ROBO2: variants seen among roughly 807,000 people sequenced by gnomAD.
The protein encoded by ROBO2 is roundabout guidance receptor 2, also known as roundabout homolog 2.
In ROBO2, 53 loss-of-function variants were observed where a neutral mutation model predicts 160.8. That is an observed-to-expected ratio of 0.33 (90% CI 0.26 to 0.41). The LOEUF (loss-of-function observed/expected upper bound fraction) is 0.41, where lower values mean the gene tolerates loss of function less well. Among genes scored for constraint, ROBO2 ranks in the 10% least tolerant of loss-of-function variants. ROBO2 has a pLI of 1.00. For missense variants in ROBO2, 1,577 were observed against 1,722.4 expected, an observed-to-expected ratio of 0.92 and a Z score of 1.49; for synonymous variants, 664 against 611.7, an observed-to-expected ratio of 1.09 and a Z score of -1.26.
chr3:76,216,448 T>A (rs938227616), intron 2 of ROBO2, among the ~76,000 whole-genome samples: 1 of 151,868 alleles, frequency 6.6e-6, no homozygotes. Context: ...AGGCTCAAAA[T>A]AAAGGGATGG....
At position 77,379,197 on chromosome 3, in the gene ROBO2, C is replaced by T. The variant is rs952017986; in HGVS notation, c.389-98217C>T. Among the ~76,000 whole-genome samples, 16 of 152,154 alleles carry T rather than the reference C, an allele frequency of 1.1e-4. No individual in the cohort carries two copies. The South Asian group carries it at 1.7e-3, about 16-fold the overall frequency. ...TCCTGACCTAGTGATCCACCTGCCT[C>T]GGCCTCCCCAAGTGCTGGGATTACA... On this transcript the variant is annotated intron_variant, in intron 2 of 25. Transcript: ENST00000461745.
chr3:77,108,471 G>C (rs2073154828), intron 2 of ROBO2, among the ~76,000 whole-genome samples: 1 of 152,068 alleles, frequency 6.6e-6, no homozygotes, highest in Non-Finnish European at 1.5e-5. Flanking sequence ...TGAGCCATCA[G>C]GGCCAGAGAA....
intron 16 of ROBO2, among the ~76,000 whole-genome samples, chr3:77,588,003 T>C (rs1020927083): frequency 6.6e-6 from 1 of 152,084 alleles, no homozygotes; most frequent in Non-Finnish European, 1.5e-5. Flanking sequence ...CATGACTAGT[T>C]CTAGAATAAT....
chr3:76,647,776 G>A (rs2091051889), intron 2 of ROBO2, among the ~76,000 whole-genome samples: 1 of 151,862 alleles, frequency 6.6e-6, no homozygotes, highest in African/African-American at 2.4e-5. Flanking sequence ...TACAGTAATT[G>A]TCAGAGGAAA....
intron 21 of ROBO2, among the ~76,000 whole-genome samples, chr3:77,609,201 T>C (rs531751603): frequency 4.6e-5 from 7 of 152,058 alleles, no homozygotes; most frequent in Non-Finnish European, 1.0e-4. Context: ...GCATATATTG[T>C]TATTTTACTT....
chr3:76,110,481 T>C (rs1281820046), intron 2 of ROBO2, among the ~76,000 whole-genome samples: 1 of 152,120 alleles, frequency 6.6e-6, no homozygotes, highest in Non-Finnish European at 1.5e-5. Flanking sequence ...GACATGAAGC[T>C]TGAATAGCAA....
chr3:75,996,617 A>G (rs2107538617), intron 2 of ROBO2, among the ~76,000 whole-genome samples: 1 of 152,330 alleles, frequency 6.6e-6, no homozygotes, highest in African/African-American at 2.4e-5. Context: ...CATAAGATTC[A>G]AAAGTATTTG....
In ROBO2 at chr3:76,688,424, A is replaced by C. The variant is rs550094988; in HGVS notation, c.110-409590A>C. ...GTAAGAAATTAATAGACTATTTTTT[A>C]AAGAAGCAAATAGTGATACTTTGTG... On this transcript the variant is annotated intron_variant, in intron 2 of 26. Transcript: ENST00000487694. Among the ~76,000 whole-genome samples, 4 of 152,220 alleles carry C rather than the reference A, an allele frequency of 2.6e-5. No homozygotes were observed. The East Asian group carries it at 7.7e-4, about 29-fold the overall frequency.
chr3:77,627,640 G>C (rs1256096478), intron 23 of ROBO2, among the ~76,000 whole-genome samples: 1 of 152,128 alleles, frequency 6.6e-6, no homozygotes, highest in Admixed American at 6.5e-5. Flanking sequence ...GAAAGAAGAA[G>C]TTCTGTAGAT....
At chr3:76,818,265 A>G (rs1320963188) in intron 2 of ROBO2, among the ~76,000 whole-genome samples, 1 of 151,848 alleles carries the variant, frequency 6.6e-6, no homozygotes, top group Non-Finnish European at 1.5e-5. Flanking sequence ...ATTTTTTCAT[A>G]TCTTTGTTGG....
At chr3:76,182,245 T>C (rs1309738648) in intron 2 of ROBO2, among the ~76,000 whole-genome samples, 1 of 152,176 alleles carries the variant, frequency 6.6e-6, no homozygotes. Context: ...ATTGTTTGTT[T>C]ATTTAGTCAA....
chr3:76,512,111 C>CA lies in ROBO2; in HGVS notation c.109+574516dup, dbSNP rs1201877863. 3.3e-5 allele frequency among the ~76,000 whole-genome samples: 5 copies of CA among 151,878 alleles called. No individual in the cohort carries two copies. In the South Asian group the frequency reaches 8.3e-4, roughly 25 times the overall value. ...ATCAAAGAGAGACTTCTAAAACAAA[C>CA]AAAAAAACATTGTTAATGAGGCAGA... On this transcript the variant is annotated intron_variant, in intron 2 of 26. Transcript: ENST00000487694.
Position 77,563,194 on chromosome 3 carries a change from A to G in ROBO2, c.1547A>G (p.Tyr516Cys), listed in dbSNP as rs2093381104. ...TCTGGAGCAACAATCAGTAAAAACT[A>G]TGATTTAAGTGACCTGCCAGGGCCA... The change falls in exon 11 of 26, where the codon TAT becomes TGT. Residue 516 changes from tyrosine to cysteine, a missense_variant. This residue lies in a region of ROBO2 where 940 missense variants were observed against 1,135.5 expected (regional missense o/e 0.83). Transcript: ENST00000461745. The G allele has an allele frequency of 1.9e-6, 3 of 1,613,398 alleles. No homozygotes were observed. The highest frequency in any genetic ancestry group is 2.5e-6 in the Non-Finnish European group (3 of 1,179,738).
chr3:76,009,248 GC>G (rs1343610023), intron 2 of ROBO2, among the ~76,000 whole-genome samples: 1 of 152,050 alleles, frequency 6.6e-6, no homozygotes, highest in Non-Finnish European at 1.5e-5. Context: ...GACTACAGGC[GC>G]CCGCTACCAC....
At position 76,434,037 on chromosome 3, in the gene ROBO2, T is replaced by A. The variant is rs2076556026; in HGVS notation, c.109+496435T>A. The stretch of plus-strand genomic sequence containing the variant: ...TTCATTATGGCTGACATGCAAAATC[T>A]GGTAGAAAGACTGGAGAGGGCAGTG... On this transcript the variant is annotated intron_variant, in intron 2 of 26. Coordinates refer to the ROBO2 transcript ENST00000487694. 3 of 1,251,024 alleles carry A rather than the reference T, an allele frequency of 2.4e-6. No homozygotes were observed. In the African/African-American group the frequency reaches 4.4e-5, roughly 18 times the overall value. 77.5% of individuals were successfully genotyped at this position (1,251,024 alleles called of 1,614,324 possible).
At chr3:76,879,207 G>A (rs2073092465) in intron 2 of ROBO2, among the ~76,000 whole-genome samples, 1 of 152,062 alleles carries the variant, frequency 6.6e-6, no homozygotes, top group Non-Finnish European at 1.5e-5. Flanking sequence ...CATAGTCGAA[G>A]GAAATGTGAA....
chr3:77,649,443 TCAC>T (rs2095434252), exon 26 of ROBO2: 1 of 152,166 alleles, frequency 6.6e-6, no homozygotes, highest in Non-Finnish European at 1.5e-5. Context: ...TGGTTTATCT[TCAC>T]TACTGGGAAG....
chr3:77,409,003 A>G (rs34780242), intron 2 of ROBO2, among the ~76,000 whole-genome samples: 18,319 of 151,652 alleles, frequency 0.12, 1,328 homozygotes, highest in East Asian at 0.25. Context: ...CAAAGTGCTG[A>G]AATTACAGGT....
At chr3:76,976,702 T>G (rs1002769856) in intron 2 of ROBO2, among the ~76,000 whole-genome samples, 1 of 152,214 alleles carries the variant, frequency 6.6e-6, no homozygotes, top group African/African-American at 2.4e-5. Context: ...TTTAAATGAA[T>G]GATTAGTCTG....
Sources: gnomAD v4.1 joint callset for allele counts (sites outside exome capture counted in the v4.1 genomes callset) on GRCh38, gnomAD v4.1.1 for gene constraint, gnomAD v4.1.1 regional missense constraint, MANE v1.5 for transcripts, NCBI Gene and HGNC (gene_info 2026-07-23, HGNC 2026-07-21) for gene names.